The following STRBP variants were observed in gnomAD, a reference collection of about 807,000 sequenced individuals.
STRBP encodes spermatid perinuclear RNA binding protein.
A neutral mutation model predicts 80.1 loss-of-function variants in STRBP; 13 were observed. The ratio of observed to expected loss-of-function variants is 0.16; its 90% CI spans 0.11 to 0.26. The LOEUF is 0.26. Ranked by LOEUF, STRBP falls within the 10% of genes least tolerant of loss-of-function variation. The probability of loss-of-function intolerance (pLI) is 1.00; values close to 1 mark genes in which losing one functional copy is unlikely to be tolerated. For missense variants in STRBP, 485 were observed against 815.2 expected (o/e 0.59, Z 4.93); for synonymous variants, 284 against 291.2 (o/e 0.98, Z 0.25).
At chr9:123,139,792 A>ACCATG in intron 13 of STRBP, 105 bp from the exon 14 acceptor site, 2 of 1,151,898 alleles carry the variant, frequency 1.7e-6, no homozygotes, top group Non-Finnish European at 2.5e-6. Flanking sequence ...TTGAACCATA[A>ACCATG]AACACCTTGC....
chr9:123,226,737 A>G (rs2040247676), intron 2 of STRBP, among the ~76,000 whole-genome samples: 1 of 147,534 alleles, frequency 6.8e-6, no homozygotes, highest in Non-Finnish European at 1.5e-5. Context: ...GCCCTCATGG[A>G]GCTTCAGCTT....
At chr9:123,121,046 C>G (rs1321636533), downstream of STRBP, among the ~76,000 whole-genome samples, 38 of 152,192 alleles carry the variant, frequency 2.5e-4, no homozygotes, top group Admixed American at 2.5e-3. Context: ...GTCACAGCCT[C>G]TGTTCACTTG....
downstream of STRBP, among the ~76,000 whole-genome samples, chr9:123,120,731 G>C (rs1178480630): frequency 6.6e-6 from 1 of 152,090 alleles, no homozygotes; most frequent in Non-Finnish European, 1.5e-5. Flanking sequence ...AAGGACCGGA[G>C]TATTTGTTAT....
intron 1 of STRBP, among the ~76,000 whole-genome samples, chr9:123,251,203 T>C (rs551134014): frequency 6.6e-6 from 1 of 152,124 alleles, no homozygotes; most frequent in Admixed American, 6.5e-5. Context: ...TCTTTTCTTT[T>C]CTTTCTTTCT....
At chr9:123,183,684 A>T (rs2038583966) in intron 3 of STRBP, among the ~76,000 whole-genome samples, 1 of 152,162 alleles carries the variant, frequency 6.6e-6, no homozygotes, top group Non-Finnish European at 1.5e-5. Context: ...TGACCCTATT[A>T]TTTTAAAAGT....
chr9:123,122,159 T>G lies in STRBP; in HGVS notation c.*3438A>C. On this transcript the variant is annotated 3_prime_UTR_variant, in exon 19 of 19. Transcript: ENST00000348403. ...ATATGCATGTTGTCTTAATTGACTA[T>G]TTTTCTCTTTAATCAGAAAATAAAA... The G allele has an allele frequency of 2.8e-6, 1 of 355,712 alleles. No homozygotes were observed. The highest frequency in any genetic ancestry group is 3.3e-5 in the South Asian group (1 of 30,218). 22.0% of individuals were successfully genotyped at this position (355,712 alleles called of 1,614,324 possible). A position where few individuals can be genotyped will look rare whatever the true frequency, so the allele number is the denominator to read the frequency against.
chr9:123,157,589 G>A (rs564401137), intron 11 of STRBP, among the ~76,000 whole-genome samples: 1 of 152,198 alleles, frequency 6.6e-6, no homozygotes, highest in African/African-American at 2.4e-5. Flanking sequence ...AGGTTTAATG[G>A]ACTCACAGTG....
chr9:123,156,553 A>G (rs936632059), intron 11 of STRBP, among the ~76,000 whole-genome samples: 4 of 152,074 alleles, frequency 2.6e-5, no homozygotes, highest in African/African-American at 9.7e-5. Context: ...ATAAAACAAA[A>G]CAATTTTAAA....
intron 2 of STRBP, among the ~76,000 whole-genome samples, chr9:123,223,057 A>T (rs2040118776): frequency 1.6e-5 from 2 of 122,904 alleles, no homozygotes; most frequent in East Asian, 4.4e-4. Context: ...GATGATAGAT[A>T]GATAGATAGA....
At chr9:123,155,065 T>C (rs958599282) in intron 11 of STRBP, among the ~76,000 whole-genome samples, 4 of 152,070 alleles carry the variant, frequency 2.6e-5, no homozygotes, top group African/African-American at 4.8e-5. Flanking sequence ...AGTGGGTAAG[T>C]AGAAAGGTCG....
rs909672489 is a variant in STRBP, at chr9:123,250,971, AT to A, written c.-301-14006del. Among the ~76,000 whole-genome samples the A allele has an allele frequency of 3.9e-3, 592 of 151,802 alleles. 4 individuals are homozygous for A. The highest frequency in any genetic ancestry group is 0.014 in the African/African-American group (570 of 41,378). The stretch of plus-strand genomic sequence containing the variant: ...TCTACAAAAAAACAAAAAACAAAAA[AT>A]TTTTTTTTAATTAGCCAGGTCTGGT... On this transcript the variant is annotated intron_variant, in intron 1 of 18. Coordinates refer to ENST00000348403, the MANE Select transcript of STRBP (RefSeq NM_018387.5).
At chr9:123,236,495 C>T (rs113942268) in intron 2 of STRBP, among the ~76,000 whole-genome samples, 2,717 of 152,170 alleles carry the variant, frequency 0.018, 88 homozygotes, top group African/African-American at 0.061. Flanking sequence ...AAGTTCTTAA[C>T]GTACTTTCTG....
intron 5 of STRBP, among the ~76,000 whole-genome samples, chr9:123,172,847 A>G (rs986090995): frequency 1.3e-5 from 2 of 152,230 alleles, no homozygotes; most frequent in African/African-American, 2.4e-5. Flanking sequence ...TAAATTTTAA[A>G]AAGTGAGTGG....
intron 13 of STRBP, among the ~76,000 whole-genome samples, chr9:123,142,484 CA>C (rs2036630585): frequency 6.6e-6 from 1 of 152,130 alleles, no homozygotes; most frequent in Non-Finnish European, 1.5e-5. Flanking sequence ...TATAGCAGTG[CA>C]AGAATGGACT....
intron 2 of STRBP, among the ~76,000 whole-genome samples, chr9:123,223,045 TAGATGATA>T (rs995564850): frequency 2.1e-5 from 3 of 143,948 alleles, no homozygotes; most frequent in Admixed American, 7.1e-5. Context: ...CTCAGATAGA[TAGATGATA>T]GATAGATAGA....
rs142910468 is a variant in STRBP, at chr9:123,199,049, A to G, written c.-164-14751T>C. On this transcript the variant is annotated intron_variant, in intron 2 of 18. Coordinates refer to ENST00000348403, the MANE Select transcript of STRBP (RefSeq NM_018387.5). ...AGCCTCTGCCTCCTGGGTTCAAGCGATTCTCTTGCCTCAGCCTCCCGAGTA... is the reference window on the plus strand; with the variant it reads ...AGCCTCTGCCTCCTGGGTTCAAGCGGTTCTCTTGCCTCAGCCTCCCGAGTA... Among the ~76,000 whole-genome samples, 891 of 152,208 alleles carry G rather than the reference A, an allele frequency of 5.9e-3. 6 individuals are homozygous for G. The highest frequency in any genetic ancestry group is 0.02 in the African/African-American group (843 of 41,536).
intron 11 of STRBP, among the ~76,000 whole-genome samples, chr9:123,155,877 T>G (rs913641320): frequency 1.3e-5 from 2 of 149,470 alleles, no homozygotes; most frequent in Admixed American, 1.3e-4. Flanking sequence ...TAAACGTGAA[T>G]GTCAGGAAGC....
intron 2 of STRBP, chr9:123,213,923 A>C (rs1233042666): frequency 6.8e-6 from 1 of 147,240 alleles, no homozygotes; most frequent in African/African-American, 2.5e-5. Flanking sequence ...CTCCATCTCA[A>C]AAAAAAAAAA....
At chr9:123,147,573 A>T (rs1361053875) in intron 12 of STRBP, among the ~76,000 whole-genome samples, 5 of 151,466 alleles carry the variant, frequency 3.3e-5, no homozygotes, top group Non-Finnish European at 7.4e-5. Flanking sequence ...ACTATTTGAG[A>T]AGGCTGAGGT....
Sources: gnomAD v4.1 joint callset for allele counts (sites outside exome capture counted in the v4.1 genomes callset) on GRCh38, gnomAD v4.1.1 for gene constraint, MANE v1.5 for transcripts, NCBI Gene and HGNC (gene_info 2026-07-23, HGNC 2026-07-21) for gene names.